Variants in FILIP1L observed in about 807,000 individuals in gnomAD.
FILIP1L encodes filamin A-interacting protein 1-like.
A neutral mutation model predicts 96.6 loss-of-function variants in FILIP1L; 55 were observed. The observed-to-expected ratio is 0.57, with a 90% CI of 0.46 to 0.71. The LOEUF (loss-of-function observed/expected upper bound fraction) is 0.71. FILIP1L is among the 30% of genes least tolerant of loss of function. The probability of loss-of-function intolerance (pLI) is 0.00; values close to 1 mark genes in which losing one functional copy is unlikely to be tolerated. For missense variants in FILIP1L, 1,304 were observed against 1,321.2 expected (o/e 0.99, Z 0.20); for synonymous variants, 467 against 473.9 (o/e 0.99, Z 0.19).
chr3:99,892,234 A>G (rs932357296), intron 4 of FILIP1L, among the ~76,000 whole-genome samples: 1 of 152,180 alleles, frequency 6.6e-6, no homozygotes, highest in African/African-American at 2.4e-5. Flanking sequence ...GCAAGTCTCC[A>G]ATTTTGTATG....
intron 4 of FILIP1L, among the ~76,000 whole-genome samples, chr3:99,907,217 GTTATC>G (rs947093935): frequency 2.0e-5 from 3 of 151,978 alleles, no homozygotes; most frequent in Non-Finnish European, 2.9e-5. Flanking sequence ...GTGTGGAATA[GTTATC>G]TTAACTACCT....
Position 99,909,797 on chromosome 3 carries a change from C to A in FILIP1L, c.605+14433G>T, listed in dbSNP as rs539189352. On this transcript the variant is annotated intron_variant, in intron 4 of 5. Transcript: ENST00000477258. ...ATTTTGCCACATTTTTATTCCATTT[C>A]CATTCAACTGCCTATTGAATTCTGA... Among the ~76,000 whole-genome samples, 5 of 152,272 alleles carry A rather than the reference C, an allele frequency of 3.3e-5. No individual in the cohort carries two copies. In the South Asian group the frequency reaches 1.0e-3, roughly 32 times the overall value.
intron 1 of FILIP1L, among the ~76,000 whole-genome samples, chr3:99,981,701 A>G (rs1328667665): frequency 6.6e-6 from 1 of 152,220 alleles, no homozygotes; most frequent in Non-Finnish European, 1.5e-5. Flanking sequence ...ATTGGTTGGA[A>G]TTAGTGTTTA....
At chr3:99,908,365 G>A (rs946124969) in intron 4 of FILIP1L, among the ~76,000 whole-genome samples, 2 of 152,178 alleles carry the variant, frequency 1.3e-5, no homozygotes, top group African/African-American at 4.8e-5. Flanking sequence ...TGTTCTCTTG[G>A]CATCTTAAAA....
chr3:99,968,885 A>T (rs1436538075), intron 1 of FILIP1L, among the ~76,000 whole-genome samples: 1 of 152,202 alleles, frequency 6.6e-6, no homozygotes, highest in East Asian at 1.9e-4. Flanking sequence ...GGGTTAGCAC[A>T]AACCTCTCTT....
chr3:99,979,647 A>G (rs946999734), intron 1 of FILIP1L, among the ~76,000 whole-genome samples: 1 of 152,210 alleles, frequency 6.6e-6, no homozygotes, highest in Non-Finnish European at 1.5e-5. Flanking sequence ...AGTGTTAAGT[A>G]TTACCTCTAT....
At chr3:100,042,587 C>T (rs1289538905) in intron 1 of FILIP1L, among the ~76,000 whole-genome samples, 2 of 152,186 alleles carry the variant, frequency 1.3e-5, no homozygotes, top group African/African-American at 2.4e-5. Flanking sequence ...ATGGTTCAGA[C>T]ATTGTTAACC....
At chr3:100,053,540 G>A (rs2065409354) in intron 1 of FILIP1L, among the ~76,000 whole-genome samples, 1 of 152,126 alleles carries the variant, frequency 6.6e-6, no homozygotes, top group South Asian at 2.1e-4. Context: ...AATCCAGTTT[G>A]ACCTCATCTT....
intron 4 of FILIP1L, among the ~76,000 whole-genome samples, chr3:99,886,454 A>C (rs1705900572): frequency 6.6e-6 from 1 of 152,206 alleles, no homozygotes; most frequent in Non-Finnish European, 1.5e-5. Context: ...TGTTTTAAGA[A>C]AGTTTATGAA....
chr3:100,044,071 A>G (rs1205050692), intron 1 of FILIP1L, among the ~76,000 whole-genome samples: 4 of 152,208 alleles, frequency 2.6e-5, no homozygotes, highest in African/African-American at 9.6e-5. Context: ...CCATATTTCT[A>G]TGACAAACTC....
chr3:100,038,455 G>T (rs1288135367), intron 1 of FILIP1L, among the ~76,000 whole-genome samples: 1 of 152,154 alleles, frequency 6.6e-6, no homozygotes, highest in Admixed American at 6.5e-5. Flanking sequence ...GAGAATTCGA[G>T]TAGGGAGCGG....
chr3:100,015,199 C>T (rs1259098415), intron 1 of FILIP1L, among the ~76,000 whole-genome samples: 2 of 151,908 alleles, frequency 1.3e-5, no homozygotes, highest in East Asian at 3.9e-4. Context: ...GATCATTTGA[C>T]CCTAAAGATG....
At chr3:100,024,721 CT>C (rs2064887088) in intron 1 of FILIP1L, among the ~76,000 whole-genome samples, 1 of 152,138 alleles carries the variant, frequency 6.6e-6, no homozygotes, top group South Asian at 2.1e-4. Flanking sequence ...GGGCTCAGTC[CT>C]GGTTGAAACA....
At chr3:99,892,671 T>G (rs1706121401) in intron 4 of FILIP1L, among the ~76,000 whole-genome samples, 1 of 152,174 alleles carries the variant, frequency 6.6e-6, no homozygotes, top group Admixed American at 6.5e-5. Context: ...TTCTGGTGTC[T>G]CTTTAGGAGC....
intron 1 of FILIP1L, among the ~76,000 whole-genome samples, chr3:99,983,389 A>AATATATATAT (rs397990626): frequency 4.9e-5 from 2 of 40,786 alleles, no homozygotes; most frequent in South Asian, 7.0e-4. Flanking sequence ...TAAATAAATA[A>AATATATATAT]ATATATATAT....
chr3:99,972,480 C>T (rs767221003), intron 1 of FILIP1L, among the ~76,000 whole-genome samples: 1 of 152,194 alleles, frequency 6.6e-6, no homozygotes, highest in Non-Finnish European at 1.5e-5. Context: ...TTATTTCTCT[C>T]CATTAGTTAT....
intron 4 of FILIP1L, among the ~76,000 whole-genome samples, chr3:99,923,180 T>A (rs900965917): frequency 3.3e-5 from 5 of 152,088 alleles, no homozygotes; most frequent in African/African-American, 1.2e-4. Flanking sequence ...CCTTTCAACA[T>A]TCTCTCTTCT....
chr3:99,983,478 A>ATGTGTATGTGTGTG (rs1265189911), intron 1 of FILIP1L, among the ~76,000 whole-genome samples: 1 of 22,124 alleles, frequency 4.5e-5, no homozygotes, highest in Non-Finnish European at 9.3e-5. Flanking sequence ...ATATATATAT[A>ATGTGTATGTGTGTG]TATATATATA....
chr3:100,041,616 A>C (rs138460730), intron 1 of FILIP1L, among the ~76,000 whole-genome samples: 21 of 152,344 alleles, frequency 1.4e-4, no homozygotes, highest in African/African-American at 4.8e-4. Context: ...AATTACAGGA[A>C]AGATGATTCA....
Sources: gnomAD v4.1 joint callset for allele counts (sites outside exome capture counted in the v4.1 genomes callset) on GRCh38, gnomAD v4.1.1 for gene constraint, MANE v1.5 for transcripts, NCBI Gene and HGNC (gene_info 2026-07-23, HGNC 2026-07-21) for gene names.